The following CCDC39 variants were observed in gnomAD, a reference collection of about 807,000 sequenced individuals.
CCDC39 encodes coiled-coil domain-containing protein 39.
CCDC39 carries 113 observed loss-of-function variants against 121.0 expected under a neutral mutation model. The observed-to-expected ratio is 0.93, with a 90% CI of 0.80 to 1.09. The LOEUF (loss-of-function observed/expected upper bound fraction) is 1.09, where lower values mean the gene tolerates loss of function less well. Ranked by LOEUF, CCDC39 falls within the 50% of genes least tolerant of loss-of-function variation. The pLI is 0.00. For synonymous variants in CCDC39, 349 were observed against 352.2 expected (o/e 0.99, Z 0.10); for missense variants, 1,063 against 1,074.7 (o/e 0.99, Z 0.15).
chr3:180,626,344 G>C lies in CCDC39; in HGVS notation c.1998+5125C>G, dbSNP rs145969339. Among the ~76,000 whole-genome samples the C allele has an allele frequency of 3.4e-3, 512 of 151,958 alleles. 3 individuals carry two copies. Among genetic ancestry groups the C allele is most frequent in the Admixed American group, 7.5e-3 (114 of 15,270 alleles). On this transcript the variant is annotated intron_variant, in intron 14 of 19. Transcript: ENST00000476379. ...CAGCAGACTAGTCCCAGGCCCCTTGGTAATACCTTTAAGGAGGTTCTGGCT... is the reference window on the plus strand; with the variant it reads ...CAGCAGACTAGTCCCAGGCCCCTTGCTAATACCTTTAAGGAGGTTCTGGCT...
chr3:180,677,171 TATATATATA>T (rs1712251426), intron 1 of CCDC39, among the ~76,000 whole-genome samples: 3 of 29,784 alleles, frequency 1.0e-4, no homozygotes, highest in East Asian at 1.3e-3. Context: ...AATAATTTTA[TATATATATA>T]TATATATATA....
At chr3:180,677,730 T>G (rs1365891973) in intron 1 of CCDC39, among the ~76,000 whole-genome samples, 2 of 152,208 alleles carry the variant, frequency 1.3e-5, no homozygotes, top group Non-Finnish European at 2.9e-5. Context: ...TAATACTCAT[T>G]TTTCTCTTCT....
At chr3:180,660,419 G>C (rs750146928) in intron 4 of CCDC39, 151 bp downstream of exon 4, 51 of 562,544 alleles carry the variant, frequency 9.1e-5, no homozygotes, top group Non-Finnish European at 1.4e-4. Flanking sequence ...CTACAGAGAA[G>C]ACATTTGGCT....
chr3:180,627,855 C>T (rs2108410962), intron 14 of CCDC39, among the ~76,000 whole-genome samples: 1 of 152,190 alleles, frequency 6.6e-6, no homozygotes, highest in East Asian at 1.9e-4. Flanking sequence ...TGTTGATATC[C>T]CAACCTGTGG....
Position 180,614,871 on chromosome 3 carries a change from G to T in CCDC39, c.*50C>A. On this transcript the variant is annotated 3_prime_UTR_variant, in exon 20 of 20. Transcript: ENST00000476379. Reference sequence around the variant, plus strand: ...GTGTTGGGTCGTTTTGTATTTTAAAGTATATTTTTGTTTTTGTGTTTACAA... The same window carrying T: ...GTGTTGGGTCGTTTTGTATTTTAAATTATATTTTTGTTTTTGTGTTTACAA... The T allele has an allele frequency of 2.0e-6, 3 of 1,479,158 alleles. No individual in the cohort carries two copies. Among genetic ancestry groups the T allele is most frequent in the Non-Finnish European group, 1.8e-6 (2 of 1,093,222 alleles). 91.6% of individuals were successfully genotyped at this position (1,479,158 alleles called of 1,614,324 possible).
Position 180,660,739 on chromosome 3 carries a change from A to AAG in CCDC39, c.358-13_358-12dup. 1.9e-6 allele frequency: 3 copies of AAG among 1,592,724 alleles called. No homozygotes were observed. Among genetic ancestry groups the AAG allele is most frequent in the Non-Finnish European group, 2.6e-6 (3 of 1,168,106 alleles). ...TTTAAATATGCCATTCTAATTTCCAAAGAGAGAGAGAAAAGGGGAGATTAC... is the reference window on the plus strand; with the variant it reads ...TTTAAATATGCCATTCTAATTTCCAAAGAGAGAGAGAGAAAAGGGGAGATTAC... On this transcript the variant is annotated splice_polypyrimidine_tract_variant and intron_variant, in intron 3 of 19. Transcript: ENST00000476379.
At chr3:180,635,445 C>G (rs1717802330) in intron 13 of CCDC39, among the ~76,000 whole-genome samples, 1 of 152,184 alleles carries the variant, frequency 6.6e-6, no homozygotes, top group Non-Finnish European at 1.5e-5. Context: ...AAAGCAAGTC[C>G]CTTCCGCCTA....
chr3:180,667,734 T>C (rs1711924576), intron 1 of CCDC39, among the ~76,000 whole-genome samples: 3 of 152,146 alleles, frequency 2.0e-5, no homozygotes, highest in Admixed American at 1.3e-4. Flanking sequence ...ATGGCCTCTA[T>C]GTATAAAAAT....
chr3:180,620,500 T>A (rs1182924148), intron 14 of CCDC39, among the ~76,000 whole-genome samples: 2 of 152,058 alleles, frequency 1.3e-5, no homozygotes, highest in Non-Finnish European at 2.9e-5. Context: ...CCAAAATTAT[T>A]TCCTCTAAGA....
intron 13 of CCDC39, among the ~76,000 whole-genome samples, chr3:180,634,929 C>G (rs1717789618): frequency 2.0e-5 from 3 of 152,188 alleles, no homozygotes; most frequent in Admixed American, 6.5e-5. Flanking sequence ...TGTACTCAGT[C>G]TACACCACAG....
Position 180,614,957 on chromosome 3 carries a change from G to A in CCDC39, c.2790C>T (p.Ser930=). The A allele has an allele frequency of 6.4e-7, 1 of 1,566,564 alleles. No individual in the cohort carries two copies. The change falls in exon 20 of 20, where the codon AGC becomes AGT. Residue 930 remains serine (S), a synonymous_variant. Coordinates refer to ENST00000476379, the MANE Select transcript of CCDC39 (RefSeq NM_181426.2). ...SPSRPSSASS[S]SSNVKSKKSS... Reference sequence around the variant, plus strand: ...TCTTTTTGCTCTTAACATTACTAGAGCTACTACTAGCACTAGATGGCCTAG... The same window carrying A: ...TCTTTTTGCTCTTAACATTACTAGAACTACTACTAGCACTAGATGGCCTAG...
chr3:180,670,549 C>G (rs1450516026), intron 1 of CCDC39, among the ~76,000 whole-genome samples: 1 of 151,870 alleles, frequency 6.6e-6, no homozygotes. Flanking sequence ...AGTGGAAAAA[C>G]ACACTTTACT....
At chr3:180,647,813 G>A (rs1718107339) in intron 10 of CCDC39, among the ~76,000 whole-genome samples, 1 of 151,808 alleles carries the variant, frequency 6.6e-6, no homozygotes, top group South Asian at 2.1e-4. Flanking sequence ...TAGCATGGGG[G>A]TGAGGGTGGG....
At chr3:180,640,129 T>G (rs1717921584) in intron 13 of CCDC39, among the ~76,000 whole-genome samples, 1 of 152,040 alleles carries the variant, frequency 6.6e-6, no homozygotes, top group African/African-American at 2.4e-5. Context: ...GATGGATACA[T>G]TATCTTGATG....
chr3:180,671,371 C>T (rs781148784), intron 1 of CCDC39, among the ~76,000 whole-genome samples: 20 of 152,116 alleles, frequency 1.3e-4, no homozygotes, highest in Non-Finnish European at 2.8e-4. Context: ...TGCCTCTGAG[C>T]TGCTACTCTG....
In CCDC39 at chr3:180,672,452, G is replaced by A. The variant is rs1189317132; in HGVS notation, c.90+6839C>T. Reference sequence around the variant, plus strand: ...CTACTAAAAATACAAAAATTAACCAGTCATGGTGGCACATGCCTGTAATTC... The same window carrying A: ...CTACTAAAAATACAAAAATTAACCAATCATGGTGGCACATGCCTGTAATTC... On this transcript the variant is annotated intron_variant, in intron 1 of 19. Coordinates refer to ENST00000476379, the MANE Select transcript of CCDC39 (RefSeq NM_181426.2). 4.6e-5 allele frequency among the ~76,000 whole-genome samples: 7 copies of A among 152,098 alleles called. No individual in the cohort carries two copies. In the South Asian group the frequency reaches 6.2e-4, roughly 14 times the overall value.
At chr3:180,663,066 G>A (rs1371318968) in intron 2 of CCDC39, among the ~76,000 whole-genome samples, 1 of 152,092 alleles carries the variant, frequency 6.6e-6, no homozygotes, top group Admixed American at 6.6e-5. Flanking sequence ...TTATATTTAT[G>A]TTAACATTTC....
At chr3:180,616,123 T>A (rs1717226666) in intron 19 of CCDC39, among the ~76,000 whole-genome samples, 158 bp downstream of exon 19, 1 of 152,218 alleles carries the variant, frequency 6.6e-6, no homozygotes, top group Non-Finnish European at 1.5e-5. Context: ...CTGCATCTAA[T>A]CTATATGATG....
intron 9 of CCDC39, among the ~76,000 whole-genome samples, chr3:180,650,732 C>A (rs571966472): frequency 1.6e-4 from 25 of 151,894 alleles, no homozygotes; most frequent in African/African-American, 5.3e-4. Context: ...TGGCACGCGC[C>A]TGTAATCCCA....
Sources: gnomAD v4.1 joint callset for allele counts (sites outside exome capture counted in the v4.1 genomes callset) on GRCh38, gnomAD v4.1.1 for gene constraint, MANE v1.5 for transcripts, NCBI Gene and HGNC (gene_info 2026-07-23, HGNC 2026-07-21) for gene names.